The following SGIP1 variants were observed in gnomAD, a reference collection of about 807,000 sequenced individuals.
SGIP1 encodes SH3-containing GRB2-like protein 3-interacting protein 1.
A neutral mutation model predicts 107.5 loss-of-function variants in SGIP1; 38 were observed. The ratio of observed to expected loss-of-function variants is 0.35; its 90% CI spans 0.27 to 0.46. The LOEUF (loss-of-function observed/expected upper bound fraction) is 0.46. Ranked by LOEUF, SGIP1 falls within the 20% of genes least tolerant of loss-of-function variation. The pLI is 1.00. For synonymous variants in SGIP1, 365 were observed against 366.1 expected (o/e 1.00, Z 0.03); for missense variants, 929 against 1,019.5 (o/e 0.91, Z 1.21).
chr1:66,667,129 G>T (rs939836978), intron 8 of SGIP1, among the ~76,000 whole-genome samples: 6 of 151,960 alleles, frequency 3.9e-5, no homozygotes, highest in Non-Finnish European at 8.8e-5. Context: ...GTCTATATTT[G>T]CTAACATCCA....
intron 11 of SGIP1, among the ~76,000 whole-genome samples, chr1:66,672,327 C>A (rs185124212): frequency 6.6e-6 from 1 of 152,064 alleles, no homozygotes; most frequent in African/African-American, 2.4e-5. Context: ...TATTACCCTA[C>A]GAAAAGAAGC....
chr1:66,574,040 A>T lies in SGIP1; in HGVS notation c.10+39672A>T, dbSNP rs60854200. Among the ~76,000 whole-genome samples the T allele has an allele frequency of 7.5e-3, 1,148 of 152,234 alleles. 12 individuals are homozygous for T. The highest frequency in any genetic ancestry group is 0.026 in the African/African-American group (1,065 of 41,544). On this transcript the variant is annotated intron_variant, in intron 1 of 24. Transcript: ENST00000371037. The stretch of plus-strand genomic sequence containing the variant: ...ACCCCAAACCTTATAGTGGCTTCAC[A>T]CTAGCACATTTGTTTCCTCATTCAC...
At chr1:66,553,030 CTCT>C (rs556843859) in intron 1 of SGIP1, among the ~76,000 whole-genome samples, 1 of 152,230 alleles carries the variant, frequency 6.6e-6, no homozygotes, top group Admixed American at 6.5e-5. Flanking sequence ...TTTTGTTTTT[CTCT>C]TAACTCTTGC....
chr1:66,631,874 C>T (rs916894806), intron 2 of SGIP1, among the ~76,000 whole-genome samples: 39 of 152,260 alleles, frequency 2.6e-4, no homozygotes, highest in African/African-American at 8.7e-4. Flanking sequence ...AATGAGGCTC[C>T]CTTTCGAAGC....
intron 1 of SGIP1, among the ~76,000 whole-genome samples, chr1:66,538,285 C>T (rs989059777): frequency 6.6e-6 from 1 of 152,114 alleles, no homozygotes; most frequent in Non-Finnish European, 1.5e-5. Context: ...AAAGGGAATG[C>T]TTCTAATTTT....
intron 10 of SGIP1, 94 bp from the exon 11 acceptor site, chr1:66,671,850 A>C: frequency 2.5e-6 from 3 of 1,195,896 alleles, no homozygotes; most frequent in Non-Finnish European, 3.7e-6. Context: ...TATTGATGGG[A>C]CTTAAATCTC....
Position 66,671,967 on chromosome 1 carries a change from C to T in SGIP1, c.532C>T (p.Arg178Cys), listed in dbSNP as rs561284431. Residue 178 changes from arginine to cysteine, a missense_variant, in exon 11 of 25, where the codon CGT becomes TGT. Physicochemically the swap from Arg to Cys is radical, Grantham distance 180. Around this residue, in one of 2 missense-constraint regions of SGIP1, gnomAD observed 588 missense variants for 588.6 expected, o/e 1.00. Transcript: ENST00000371037. ...AGGTGAAGAAGTGGCAAGACCCAGG[C>T]GTTCCACACCAACTCCAGAACTTAT... ...LSSEEVARPR[R>C]STPTPELISK... The T allele has an allele frequency of 2.9e-5, 47 of 1,613,880 alleles. No homozygotes were observed. The highest frequency in any genetic ancestry group is 2.4e-4 in the South Asian group (22 of 91,074).
At chr1:66,653,366 C>G (rs919649902) in intron 7 of SGIP1, among the ~76,000 whole-genome samples, 1 of 151,892 alleles carries the variant, frequency 6.6e-6, no homozygotes, top group Non-Finnish European at 1.5e-5. Flanking sequence ...AAATCCACAC[C>G]TTTCATGCCC....
chr1:66,617,446 A>C (rs1486086270), intron 1 of SGIP1, among the ~76,000 whole-genome samples: 3 of 152,240 alleles, frequency 2.0e-5, no homozygotes, highest in Non-Finnish European at 4.4e-5. Flanking sequence ...AAAAGCTGAT[A>C]CACAAAGCAC....
At chr1:66,696,177 T>C (rs1277276806) in intron 18 of SGIP1, among the ~76,000 whole-genome samples, 1 of 152,212 alleles carries the variant, frequency 6.6e-6, no homozygotes, top group Non-Finnish European at 1.5e-5. Context: ...TGTTATATTC[T>C]GCATAAAGGG....
chr1:66,673,993 C>CG (rs1239145848), intron 12 of SGIP1, among the ~76,000 whole-genome samples: 3 of 151,712 alleles, frequency 2.0e-5, no homozygotes, highest in Middle Eastern at 6.3e-3. Flanking sequence ...ACGGAGACCC[C>CG]CATCTCTACA....
Position 66,739,835 on chromosome 1 carries a change from C to T in SGIP1, c.2234+298C>T, listed in dbSNP as rs74485800. ...GGAAGGAGAGAAAGTAGAAGGCTAC[C>T]GGTAGAACCATTGAATTCAGGAAGC... On this transcript the variant is annotated intron_variant, in intron 22 of 24. Transcript: ENST00000371037. 7.9e-3 allele frequency among the ~76,000 whole-genome samples: 1,205 copies of T among 152,290 alleles called. 18 individuals carry two copies. Among genetic ancestry groups the T allele is most frequent in the African/African-American group, 0.027 (1,139 of 41,542 alleles).
chr1:66,718,910 A>G (rs2093386167), intron 18 of SGIP1, among the ~76,000 whole-genome samples: 1 of 152,168 alleles, frequency 6.6e-6, no homozygotes, highest in Non-Finnish European at 1.5e-5. Flanking sequence ...GAGTATGGGC[A>G]ATTGATTGGA....
intron 11 of SGIP1, among the ~76,000 whole-genome samples, chr1:66,672,218 T>C (rs2083992046): frequency 6.6e-6 from 1 of 152,182 alleles, no homozygotes; most frequent in Admixed American, 6.5e-5. Context: ...CTGAAGTAAC[T>C]GTCTATCAGA....
At chr1:66,602,088 A>T (rs943591169) in intron 1 of SGIP1, among the ~76,000 whole-genome samples, 2 of 152,208 alleles carry the variant, frequency 1.3e-5, no homozygotes, top group Non-Finnish European at 2.9e-5. Flanking sequence ...TAAGCTGAGA[A>T]TCAGTGATCT....
At chr1:66,718,634 C>G (rs2093369379) in intron 18 of SGIP1, among the ~76,000 whole-genome samples, 1 of 151,864 alleles carries the variant, frequency 6.6e-6, no homozygotes, top group Non-Finnish European at 1.5e-5. Context: ...CATGCCTTGC[C>G]CATGTCTGCA....
intron 1 of SGIP1, among the ~76,000 whole-genome samples, chr1:66,545,064 C>A (rs1229553716): frequency 6.6e-6 from 1 of 152,188 alleles, no homozygotes; most frequent in Non-Finnish European, 1.5e-5. Context: ...TCTGTTCTCT[C>A]TCTTTCATCC....
intron 13 of SGIP1, 35 bp downstream of exon 13, chr1:66,677,131 G>A (rs766696608): frequency 3.3e-5 from 52 of 1,554,952 alleles, no homozygotes; most frequent in Non-Finnish European, 4.3e-5. Flanking sequence ...GGAAAAATAA[G>A]TGACTCATTT....
At chr1:66,731,492 A>G (rs909690402) in intron 20 of SGIP1, among the ~76,000 whole-genome samples, 1 of 152,204 alleles carries the variant, frequency 6.6e-6, no homozygotes, top group Non-Finnish European at 1.5e-5. Context: ...GGTTTTGCTT[A>G]ACAAAATATT....
Sources: allele counts gnomAD v4.1 joint callset (sites outside exome capture counted in the v4.1 genomes callset), GRCh38; gene constraint gnomAD v4.1.1; regional missense constraint gnomAD v4.1.1; transcripts MANE v1.5; gene names NCBI Gene and HGNC (gene_info 2026-07-23, HGNC 2026-07-21).